Variants in SOX5 observed in about 807,000 individuals in gnomAD.
The protein encoded by SOX5 is transcription factor SOX-5.
Under a neutral mutation model 92.0 loss-of-function variants are expected in SOX5, and 9 were observed. The ratio of observed to expected loss-of-function variants is 0.10; its 90% CI spans 0.06 to 0.17. SOX5 has a LOEUF of 0.17. Ranked by LOEUF, SOX5 falls within the 10% of genes least tolerant of loss-of-function variation. The pLI, the probability that SOX5 is intolerant of heterozygous loss-of-function variation, is 1.00. For synonymous variants in SOX5, 344 were observed against 336.3 expected (o/e 1.02, Z -0.25); for missense variants, 642 against 944.5 (o/e 0.68, Z 4.20).
At chr12:23,904,800 T>C (rs1412071033) in intron 1 of SOX5, among the ~76,000 whole-genome samples, 1 of 152,206 alleles carries the variant, frequency 6.6e-6, no homozygotes, top group Non-Finnish European at 1.5e-5. Context: ...GTTACACCTT[T>C]CCTTCTTTCT....
chr12:23,970,753 G>C (rs1948128638), intron 4 of SOX5, among the ~76,000 whole-genome samples: 1 of 143,154 alleles, frequency 7.0e-6, no homozygotes, highest in South Asian at 2.3e-4. Context: ...GAACATTGGT[G>C]TCCACTGGTG....
intron 2 of SOX5, among the ~76,000 whole-genome samples, chr12:24,354,231 G>T (rs962907449): frequency 6.6e-6 from 1 of 152,170 alleles, no homozygotes; most frequent in Admixed American, 6.5e-5. Flanking sequence ...ATCTGAAAAG[G>T]ATGAACTAGA....
intron 4 of SOX5, among the ~76,000 whole-genome samples, chr12:23,745,740 G>C: frequency 6.7e-6 from 1 of 149,546 alleles, no homozygotes. Context: ...GATAACATTT[G>C]TTCTCTTCTT....
At position 24,267,226 on chromosome 12, in the gene SOX5, A is replaced by AAAAAC. The variant is rs1411906608; in HGVS notation, c.-77+9985_-77+9989dup. On this transcript the variant is annotated intron_variant, in intron 3 of 4. Transcript: ENST00000446891. ...GGGCAACGGAGCAAGACCCTGTCTC[A>AAAAAC]AAAACAAAACAAAACAAACAAACAA... is the stretch of plus-strand genomic sequence containing the variant. 2.0e-5 allele frequency among the ~76,000 whole-genome samples: 3 copies of AAAAAC among 152,160 alleles called. No individual in the cohort carries two copies. The South Asian group carries it at 6.2e-4, about 32-fold the overall frequency.
At chr12:23,832,140 T>C (rs140886462) in intron 3 of SOX5, among the ~76,000 whole-genome samples, 25 of 152,162 alleles carry the variant, frequency 1.6e-4, no homozygotes, top group African/African-American at 5.8e-4. Flanking sequence ...CATATTCACA[T>C]TTACTGTGGA....
At chr12:23,545,470 GA>G (rs1428209259) in intron 12 of SOX5, among the ~76,000 whole-genome samples, 1 of 152,104 alleles carries the variant, frequency 6.6e-6, no homozygotes, top group Non-Finnish European at 1.5e-5. Flanking sequence ...TGGATGTTTA[GA>G]ATGTTCAGAG....
intron 4 of SOX5, among the ~76,000 whole-genome samples, chr12:24,116,216 A>G (rs1947981491): frequency 6.6e-6 from 1 of 152,162 alleles, no homozygotes; most frequent in East Asian, 1.9e-4. Context: ...GATTGTTAAC[A>G]TTTATTTGGC....
At chr12:24,348,513 G>A (rs185977026) in intron 2 of SOX5, among the ~76,000 whole-genome samples, 6 of 152,170 alleles carry the variant, frequency 3.9e-5, no homozygotes, top group African/African-American at 1.4e-4. Flanking sequence ...CTCCCGAATA[G>A]CTGGGATTAC....
In SOX5 at chr12:24,552,047, C is replaced by G. The variant is rs1378422470; in HGVS notation, c.-251+10282G>C. 2.6e-5 allele frequency among the ~76,000 whole-genome samples: 4 copies of G among 151,598 alleles called. 1 individual carries two copies. Among genetic ancestry groups the G allele is most frequent in the South Asian group, 4.2e-4 (2 of 4,784 alleles). On this transcript the variant is annotated intron_variant, in intron 1 of 4. Coordinates refer to the SOX5 transcript ENST00000446891. ...GCCTGTTAAAAAGTTATTTCCAAGG[C>G]TAGAATACATATAACTGGCCCCAGG...
chr12:24,501,488 T>A lies in SOX5; in HGVS notation c.-251+60841A>T, dbSNP rs73291637. On this transcript the variant is annotated intron_variant, in intron 1 of 4. Transcript: ENST00000446891. ...AATAGGCTATATTTTGCTTTTGCTT[T>A]TGTTTAAAAAAAAGTATTCTATACT... Among the ~76,000 whole-genome samples, 293 of 152,286 alleles carry A rather than the reference T, an allele frequency of 1.9e-3. 1 individual carries two copies. The highest frequency in any genetic ancestry group is 6.8e-3 in the African/African-American group (282 of 41,562).
intron 3 of SOX5, among the ~76,000 whole-genome samples, chr12:23,789,945 G>A (rs946773756): frequency 2.6e-5 from 4 of 151,990 alleles, no homozygotes; most frequent in Non-Finnish European, 4.4e-5. Flanking sequence ...GCTCAACCCC[G>A]CAAGTCCATT....
At chr12:24,424,875 CCTT>C (rs2136976149) in intron 1 of SOX5, among the ~76,000 whole-genome samples, 1 of 148,240 alleles carries the variant, frequency 6.7e-6, no homozygotes, top group African/African-American at 2.5e-5. Context: ...ACAAAAAAAT[CCTT>C]CTGAGACAGC....
intron 2 of SOX5, among the ~76,000 whole-genome samples, chr12:24,295,362 T>C (rs570298216): frequency 1.4e-4 from 22 of 152,262 alleles, no homozygotes; most frequent in Admixed American, 1.4e-3. Flanking sequence ...TGTTGCAACA[T>C]AGAAAATTAA....
chr12:23,839,416 G>T (rs1199158504), intron 3 of SOX5, among the ~76,000 whole-genome samples: 1 of 152,042 alleles, frequency 6.6e-6, no homozygotes, highest in Non-Finnish European at 1.5e-5. Flanking sequence ...CTGGTTCTTG[G>T]TAGACCTTAG....
intron 1 of SOX5, among the ~76,000 whole-genome samples, chr12:24,507,660 T>C (rs1309761306): frequency 1.3e-5 from 2 of 152,222 alleles, no homozygotes; most frequent in Non-Finnish European, 2.9e-5. Context: ...GGAATTACTG[T>C]CAATTTCATT....
intron 1 of SOX5, among the ~76,000 whole-genome samples, chr12:23,933,334 G>T (rs986418148): frequency 2.0e-4 from 31 of 151,666 alleles, no homozygotes; most frequent in African/African-American, 7.5e-4. Flanking sequence ...ACAGAGTCTG[G>T]TACTATCCAT....
chr12:23,873,910 T>C (rs2096900750), intron 2 of SOX5, among the ~76,000 whole-genome samples: 1 of 152,174 alleles, frequency 6.6e-6, no homozygotes, highest in Non-Finnish European at 1.5e-5. Flanking sequence ...TCCAATACTT[T>C]GATTATAAAA....
chr12:24,518,252 A>G (rs372290453), intron 1 of SOX5, among the ~76,000 whole-genome samples: 9 of 152,062 alleles, frequency 5.9e-5, no homozygotes, highest in African/African-American at 2.2e-4. Context: ...TATTTTTAGT[A>G]GAAACGGGGT....
At chr12:24,050,084 CAAAAAAAAA>C (rs10687571) in intron 4 of SOX5, among the ~76,000 whole-genome samples, 4 of 74,262 alleles carry the variant, frequency 5.4e-5, no homozygotes, top group African/African-American at 1.1e-4. Flanking sequence ...GGCGCAGAGG[CAAAAAAAAA>C]AAAAAAAAAA....
Sources: allele counts gnomAD v4.1 joint callset (sites outside exome capture counted in the v4.1 genomes callset), GRCh38; gene constraint gnomAD v4.1.1; transcripts MANE v1.5; gene names NCBI Gene and HGNC (gene_info 2026-07-23, HGNC 2026-07-21).